The following SGCZ variants were observed in gnomAD, a reference collection of about 807,000 sequenced individuals.
SGCZ encodes sarcoglycan zeta, also known as zeta-sarcoglycan.
In SGCZ, 40 loss-of-function variants were observed where a neutral mutation model predicts 41.3. The ratio of observed to expected loss-of-function variants is 0.97; its 90% confidence interval spans 0.75 to 1.26. SGCZ has a LOEUF of 1.26. Ranked by LOEUF, SGCZ falls within the 50% of genes most tolerant of loss-of-function variation. SGCZ has a pLI of 0.00. For missense variants in SGCZ, 552 were observed against 369.8 expected (o/e 1.49, Z -4.04); for synonymous variants, 206 against 137.5 (o/e 1.50, Z -3.49).
chr8:14,547,035 A>T (rs897843738), intron 2 of SGCZ, among the ~76,000 whole-genome samples: 1 of 152,118 alleles, frequency 6.6e-6, no homozygotes, highest in Non-Finnish European at 1.5e-5. Flanking sequence ...GAAAAAAAAA[A>T]GTACCTAATA....
intron 2 of SGCZ, among the ~76,000 whole-genome samples, chr8:14,547,649 C>A (rs1803671438): frequency 6.6e-6 from 1 of 152,148 alleles, no homozygotes; most frequent in South Asian, 2.1e-4. Flanking sequence ...TGTTCACTCA[C>A]TTAATGCTTC....
intron 1 of SGCZ, among the ~76,000 whole-genome samples, chr8:15,180,238 A>G (rs1800128259): frequency 6.6e-6 from 1 of 151,656 alleles, no homozygotes; most frequent in Non-Finnish European, 1.5e-5. Flanking sequence ...TCCCCAGTTT[A>G]TCTGAGTGCT....
At chr8:14,613,606 T>G (rs1805999635) in intron 1 of SGCZ, among the ~76,000 whole-genome samples, 1 of 152,178 alleles carries the variant, frequency 6.6e-6, no homozygotes, top group East Asian at 1.9e-4. Context: ...CCTTCTAAAT[T>G]TCAGAGCATG....
At chr8:15,078,364 C>G (rs1164322840) in intron 1 of SGCZ, among the ~76,000 whole-genome samples, 2 of 151,654 alleles carry the variant, frequency 1.3e-5, no homozygotes, top group Non-Finnish European at 2.9e-5. Context: ...CCCTCTCTCT[C>G]CATACCATAC....
At chr8:15,025,826 TGTAAA>T (rs1803435928) in intron 1 of SGCZ, among the ~76,000 whole-genome samples, 1 of 152,208 alleles carries the variant, frequency 6.6e-6, no homozygotes, top group South Asian at 2.1e-4. Flanking sequence ...CAACTCTACA[TGTAAA>T]GTAATCCTAA....
At chr8:14,623,403 G>T (rs1458157173) in intron 1 of SGCZ, among the ~76,000 whole-genome samples, 1 of 152,136 alleles carries the variant, frequency 6.6e-6, no homozygotes. Context: ...CAGAGAAGCA[G>T]GCAAGCATCC....
At chr8:14,464,598 T>A (rs1426618082) in intron 2 of SGCZ, among the ~76,000 whole-genome samples, 1 of 151,446 alleles carries the variant, frequency 6.6e-6, no homozygotes, top group East Asian at 1.9e-4. Context: ...TTTGTTTATC[T>A]CTGCTTTAGT....
At chr8:15,171,196 C>A (rs376939401) in intron 1 of SGCZ, among the ~76,000 whole-genome samples, 10 of 152,092 alleles carry the variant, frequency 6.6e-5, no homozygotes, top group African/African-American at 2.2e-4. Context: ...ATAAAGTAGT[C>A]TTTGAGTTAG....
At chr8:14,320,192 C>T (rs1043681096) in intron 3 of SGCZ, among the ~76,000 whole-genome samples, 3 of 151,238 alleles carry the variant, frequency 2.0e-5, no homozygotes, top group Admixed American at 6.6e-5. Flanking sequence ...AATGTAAAAG[C>T]ATAAACTTTA....
At chr8:14,132,891 TTG>T (rs1660587522) in intron 5 of SGCZ, among the ~76,000 whole-genome samples, 1 of 152,188 alleles carries the variant, frequency 6.6e-6, no homozygotes, top group South Asian at 2.1e-4. Context: ...TTAGTGACTT[TTG>T]TTAACTTTTT....
chr8:15,168,992 G>T, intron 1 of SGCZ, among the ~76,000 whole-genome samples: 1 of 152,164 alleles, frequency 6.6e-6, no homozygotes, highest in East Asian at 1.9e-4. Flanking sequence ...GAATTTATGA[G>T]CTGTCTTTAC....
intron 1 of SGCZ, among the ~76,000 whole-genome samples, chr8:14,890,331 T>C (rs1219234408): frequency 1.3e-5 from 2 of 152,080 alleles, no homozygotes; most frequent in African/African-American, 4.8e-5. Context: ...TGAAGGAAAT[T>C]AAAAGTGTTA....
chr8:14,886,975 A>G (rs1271639188), intron 1 of SGCZ, among the ~76,000 whole-genome samples: 16 of 152,166 alleles, frequency 1.1e-4, no homozygotes, highest in Admixed American at 1.0e-3. Context: ...GGGTAAGAGA[A>G]TCAAGAGGTC....
intron 1 of SGCZ, among the ~76,000 whole-genome samples, chr8:14,806,566 A>C (rs1801537786): frequency 6.6e-6 from 1 of 152,174 alleles, no homozygotes; most frequent in Admixed American, 6.5e-5. Context: ...CAATAACAGA[A>C]TCTGAAAATG....
chr8:14,142,060 C>T (rs993644510), intron 5 of SGCZ, among the ~76,000 whole-genome samples: 5 of 152,120 alleles, frequency 3.3e-5, no homozygotes, highest in South Asian at 2.1e-4. Flanking sequence ...AGCAAACTAT[C>T]GCAAGGACAG....
chr8:14,322,453 T>C (rs1801955586), intron 3 of SGCZ, among the ~76,000 whole-genome samples: 1 of 152,056 alleles, frequency 6.6e-6, no homozygotes, highest in South Asian at 2.1e-4. Flanking sequence ...GTTAGTGGAC[T>C]CCATCCTCTA....
At chr8:14,478,954 G>A (rs899119920) in intron 2 of SGCZ, among the ~76,000 whole-genome samples, 9 of 152,146 alleles carry the variant, frequency 5.9e-5, no homozygotes, top group South Asian at 2.1e-4. Flanking sequence ...GTTTTCATAC[G>A]GATAAACTGT....
intron 1 of SGCZ, among the ~76,000 whole-genome samples, chr8:14,861,003 G>A (rs1374648985): frequency 6.6e-6 from 1 of 152,110 alleles, no homozygotes; most frequent in East Asian, 1.9e-4. Flanking sequence ...TCTTGCCTTC[G>A]CGTTTAAGTT....
chr8:15,072,171 C>T (rs911042531), intron 1 of SGCZ, among the ~76,000 whole-genome samples: 4 of 152,144 alleles, frequency 2.6e-5, no homozygotes, highest in Non-Finnish European at 4.4e-5. Context: ...CAATGCTGCA[C>T]ATGTCTCGTC....
Sources: allele counts gnomAD v4.1 joint callset (sites outside exome capture counted in the v4.1 genomes callset), GRCh38; gene constraint gnomAD v4.1.1; transcripts MANE v1.5; gene names NCBI Gene and HGNC (gene_info 2026-07-23, HGNC 2026-07-21).